The following PTPRG variants were observed in gnomAD, a reference collection of about 807,000 sequenced individuals.
PTPRG encodes the protein receptor-type tyrosine-protein phosphatase gamma.
PTPRG carries 102 observed loss-of-function variants against 165.3 expected under a neutral mutation model. That is an observed-to-expected ratio of 0.62 (90% confidence interval 0.53 to 0.73). The LOEUF is 0.73. Ranked by LOEUF, PTPRG falls within the 30% of genes least tolerant of loss-of-function variation. The pLI, the probability that PTPRG is intolerant of heterozygous loss-of-function variation, is 0.00. For synonymous variants in PTPRG, 675 were observed against 669.5 expected, an observed-to-expected ratio of 1.01 and a Z score of -0.13; for missense variants, 1,866 against 1,861.4, an observed-to-expected ratio of 1.00 and a Z score of -0.05.
At chr3:62,072,315 T>C (rs1701234720) in intron 4 of PTPRG, among the ~76,000 whole-genome samples, 1 of 152,188 alleles carries the variant, frequency 6.6e-6, no homozygotes, top group Non-Finnish European at 1.5e-5. Context: ...TGATGATGCT[T>C]TTAATGTGAG....
chr3:61,856,440 GA>G (rs1470755423), intron 2 of PTPRG, among the ~76,000 whole-genome samples: 1 of 152,058 alleles, frequency 6.6e-6, no homozygotes, highest in Non-Finnish European at 1.5e-5. Context: ...CAGTTACATG[GA>G]AACGAAGCCC....
intron 2 of PTPRG, among the ~76,000 whole-genome samples, chr3:61,784,246 G>A (rs1203030187): frequency 6.6e-6 from 1 of 152,178 alleles, no homozygotes; most frequent in Non-Finnish European, 1.5e-5. Flanking sequence ...TGATCTGAAG[G>A]GCAAGGCTAC....
chr3:61,652,549 C>A (rs984200945), intron 1 of PTPRG, among the ~76,000 whole-genome samples: 2 of 152,102 alleles, frequency 1.3e-5, no homozygotes, highest in African/African-American at 4.8e-5. Flanking sequence ...AGCAAATGTT[C>A]CCCTTCTCTG....
chr3:62,150,148 G>C (rs1045606439), intron 6 of PTPRG, among the ~76,000 whole-genome samples: 4 of 152,180 alleles, frequency 2.6e-5, no homozygotes, highest in African/African-American at 9.7e-5. Context: ...ATTCAAATAT[G>C]ACTAAGTTTG....
intron 5 of PTPRG, among the ~76,000 whole-genome samples, chr3:62,080,686 G>C (rs550850156): frequency 2.0e-5 from 3 of 152,138 alleles, no homozygotes; most frequent in Non-Finnish European, 4.4e-5. Flanking sequence ...CTAGTTTATG[G>C]CATGCTCTAC....
chr3:61,594,494 T>G (rs1700646038), intron 1 of PTPRG, among the ~76,000 whole-genome samples: 1 of 151,876 alleles, frequency 6.6e-6, no homozygotes, highest in Non-Finnish European at 1.5e-5. Flanking sequence ...TACTGCCTAT[T>G]TAGAGGACAA....
At chr3:61,591,884 C>A (rs1004868163) in intron 1 of PTPRG, among the ~76,000 whole-genome samples, 10 of 152,104 alleles carry the variant, frequency 6.6e-5, no homozygotes, top group Non-Finnish European at 1.2e-4. Flanking sequence ...TTGATTTCCC[C>A]AAGGATCCTT....
At chr3:61,876,378 C>T (rs1186851121) in intron 2 of PTPRG, among the ~76,000 whole-genome samples, 2 of 152,142 alleles carry the variant, frequency 1.3e-5, no homozygotes, top group Non-Finnish European at 2.9e-5. Context: ...TAGTACAATT[C>T]AAATAAGATT....
chr3:62,251,630 A>G (rs1278199297), intron 15 of PTPRG, among the ~76,000 whole-genome samples: 2 of 152,290 alleles, frequency 1.3e-5, no homozygotes, highest in East Asian at 1.9e-4. Flanking sequence ...ACACAGTGAG[A>G]CCATGTCTCA....
chr3:61,870,332 T>G (rs985281773), intron 2 of PTPRG, among the ~76,000 whole-genome samples: 3 of 150,722 alleles, frequency 2.0e-5, no homozygotes, highest in Non-Finnish European at 4.4e-5. Context: ...TTTTTTTTTT[T>G]GGAGACGGAG....
intron 5 of PTPRG, among the ~76,000 whole-genome samples, chr3:62,091,586 G>C (rs1193436986): frequency 6.6e-6 from 1 of 152,132 alleles, no homozygotes; most frequent in Admixed American, 6.5e-5. Context: ...TTCCTCTCCA[G>C]GGTCAAAGTC....
chr3:62,286,508 C>A (rs1452133502), intron 28 of PTPRG, among the ~76,000 whole-genome samples: 1 of 151,846 alleles, frequency 6.6e-6, no homozygotes, highest in African/African-American at 2.4e-5. Context: ...CAGGTATTAT[C>A]CTGACTATAC....
At chr3:61,570,183 T>C (rs1700024224) in intron 1 of PTPRG, among the ~76,000 whole-genome samples, 1 of 152,210 alleles carries the variant, frequency 6.6e-6, no homozygotes, top group Non-Finnish European at 1.5e-5. Flanking sequence ...TGTCTCTATA[T>C]GTTCATGGAT....
At chr3:61,829,464 T>C (rs2036209881) in intron 2 of PTPRG, among the ~76,000 whole-genome samples, 1 of 152,214 alleles carries the variant, frequency 6.6e-6, no homozygotes, top group African/African-American at 2.4e-5. Flanking sequence ...GCCCGATCAC[T>C]GCCTTAAACG....
At chr3:61,819,506 G>C (rs563266650) in intron 2 of PTPRG, among the ~76,000 whole-genome samples, 2 of 152,210 alleles carry the variant, frequency 1.3e-5, no homozygotes, top group South Asian at 4.1e-4. Context: ...TGTGTATCTA[G>C]GCAATAATTA....
intron 28 of PTPRG, among the ~76,000 whole-genome samples, chr3:62,284,512 G>A (rs141165096): frequency 1.5e-3 from 223 of 152,178 alleles, no homozygotes; most frequent in South Asian, 4.1e-3. Context: ...ACTATCTGTA[G>A]GGGATAAGTT....
intron 2 of PTPRG, among the ~76,000 whole-genome samples, chr3:61,892,943 G>T (rs568037828): frequency 6.6e-6 from 1 of 152,272 alleles, no homozygotes; most frequent in South Asian, 2.1e-4. Context: ...GGGTTAGGCT[G>T]GTTAATAACT....
intron 1 of PTPRG, among the ~76,000 whole-genome samples, chr3:61,623,920 G>C (rs12635919): frequency 6.6e-6 from 1 of 151,924 alleles, no homozygotes; most frequent in African/African-American, 2.4e-5. Flanking sequence ...AAATACAGCC[G>C]CTGGTGTTTA....
chr3:61,753,666 C>T (rs1271932181), intron 2 of PTPRG: 3 of 424,104 alleles, frequency 7.1e-6, no homozygotes, highest in African/African-American at 2.1e-5. Flanking sequence ...CTCACTGCAA[C>T]CCCCCAACCC....
Sources: allele counts gnomAD v4.1 joint callset (sites outside exome capture counted in the v4.1 genomes callset), GRCh38; gene constraint gnomAD v4.1.1; transcripts MANE v1.5; gene names NCBI Gene and HGNC (gene_info 2026-07-23, HGNC 2026-07-21).